Variants in UBE2E2 observed in about 807,000 individuals in gnomAD.
UBE2E2 encodes ubiquitin conjugating enzyme E2 E2.
Under a neutral mutation model 24.7 loss-of-function variants are expected in UBE2E2, and 6 were observed. The observed-to-expected ratio is 0.24, with a 90% CI of 0.13 to 0.48. The LOEUF (loss-of-function observed/expected upper bound fraction) is 0.48, where lower values mean the gene tolerates loss of function less well. UBE2E2 is among the 20% of genes least tolerant of loss of function. The pLI, the probability that UBE2E2 is intolerant of heterozygous loss-of-function variation, is 0.99. For synonymous variants in UBE2E2, 104 were observed against 83.6 expected, an observed-to-expected ratio of 1.24 and a Z score of -1.33; for missense variants, 169 against 245.0, an observed-to-expected ratio of 0.69 and a Z score of 2.07.
At chr3:23,499,530 G>A in intron 3 of UBE2E2, 78 bp from the exon 4 acceptor site, 2 of 1,523,460 alleles carry the variant, frequency 1.3e-6, no homozygotes, top group Non-Finnish European at 1.8e-6. Context: ...TGCTCAATTG[G>A]TTATCATAAA....
chr3:23,429,887 A>G (rs183436332), intron 3 of UBE2E2, among the ~76,000 whole-genome samples: 94 of 152,262 alleles, frequency 6.2e-4, no homozygotes, highest in African/African-American at 2.1e-3. Flanking sequence ...AAAAAGCAGA[A>G]TTTATTTATT....
intron 3 of UBE2E2, among the ~76,000 whole-genome samples, chr3:23,252,712 G>A (rs1439618516): frequency 2.0e-5 from 3 of 152,120 alleles, no homozygotes; most frequent in African/African-American, 7.2e-5. Context: ...GCTCAGTCTG[G>A]TCTTGAACTC....
chr3:23,328,726 A>T (rs963579625), intron 3 of UBE2E2, among the ~76,000 whole-genome samples: 3 of 149,216 alleles, frequency 2.0e-5, no homozygotes, highest in African/African-American at 7.5e-5. Context: ...CAGTGGCGCG[A>T]TCTTGACTCA....
chr3:23,447,764 A>T (rs999107108), intron 3 of UBE2E2, among the ~76,000 whole-genome samples: 4 of 152,180 alleles, frequency 2.6e-5, no homozygotes, highest in Non-Finnish European at 4.4e-5. Context: ...TTTTTGTGTG[A>T]TAAGAAATCA....
At chr3:23,503,939 A>T (rs1352709600) in intron 4 of UBE2E2, among the ~76,000 whole-genome samples, 1 of 152,218 alleles carries the variant, frequency 6.6e-6, no homozygotes, top group African/African-American at 2.4e-5. Context: ...TAAGTATTTT[A>T]ATGTTATTCA....
chr3:23,499,674 C>G lies in UBE2E2; in HGVS notation c.294C>G (p.Val98=), dbSNP rs368043190. The change falls in exon 4 of 6, where the codon GTC becomes GTG. Residue 98 remains valine (V), a synonymous_variant. Coordinates refer to ENST00000396703, the MANE Select transcript of UBE2E2 (RefSeq NM_152653.4). The part of the protein sequence containing the change: ...RSTILGPPGS[V]YEGGVFFLDI... ...CTATATTGGGACCCCCAGGATCTGTCTATGAAGGAGGGGTGTTCTTTCTTG... is the reference window on the plus strand; with the variant it reads ...CTATATTGGGACCCCCAGGATCTGTGTATGAAGGAGGGGTGTTCTTTCTTG... 1 of 1,613,950 alleles carries G rather than the reference C, an allele frequency of 6.2e-7. No homozygotes were observed. Among genetic ancestry groups the G allele is most frequent in the East Asian group, 2.2e-5 (1 of 44,862 alleles).
intron 3 of UBE2E2, among the ~76,000 whole-genome samples, chr3:23,463,039 G>C (rs1698841067): frequency 6.6e-6 from 1 of 152,164 alleles, no homozygotes; most frequent in Non-Finnish European, 1.5e-5. Flanking sequence ...TTACAAATTA[G>C]ATGGTTAAGG....
At chr3:23,389,985 C>A (rs146132619) in intron 3 of UBE2E2, 2 of 152,222 alleles carry the variant, frequency 1.3e-5, no homozygotes, top group African/African-American at 4.8e-5. Flanking sequence ...ACCAGGCAAC[C>A]CCAGTTCCTC....
chr3:23,273,530 C>CAAA (rs11328464), intron 3 of UBE2E2, among the ~76,000 whole-genome samples: 3 of 140,914 alleles, frequency 2.1e-5, no homozygotes, highest in African/African-American at 5.3e-5. Context: ...GACTCCGTCT[C>CAAA]AAAAAAAAAA....
rs576895909 is a variant in UBE2E2, at chr3:23,287,521, T to C, written c.227+70209T>C. On this transcript the variant is annotated intron_variant, in intron 3 of 5. Coordinates refer to ENST00000396703, the MANE Select transcript of UBE2E2 (RefSeq NM_152653.4). The stretch of plus-strand genomic sequence containing the variant: ...TGATAGTAATTCTTTAAATGTTTGA[T>C]AAAATTCGGCCTTGAAGCCATCAGG... Among the ~76,000 whole-genome samples, 5 of 152,348 alleles carry C rather than the reference T, an allele frequency of 3.3e-5. No individual in the cohort carries two copies. In the South Asian group the frequency reaches 1.0e-3, roughly 32 times the overall value.
intron 3 of UBE2E2, among the ~76,000 whole-genome samples, chr3:23,288,218 A>T (rs1332994921): frequency 6.6e-6 from 1 of 152,170 alleles, no homozygotes; most frequent in Non-Finnish European, 1.5e-5. Context: ...ACGTTTGTAT[A>T]GTTTTGAAAA....
chr3:23,466,863 G>A (rs866030614), intron 3 of UBE2E2, among the ~76,000 whole-genome samples: 8 of 151,644 alleles, frequency 5.3e-5, no homozygotes, highest in Middle Eastern at 3.5e-3. Context: ...CACCGCACTC[G>A]GCAGTCCCAG....
chr3:23,515,914 A>G (rs1304764174), intron 4 of UBE2E2, among the ~76,000 whole-genome samples: 1 of 152,196 alleles, frequency 6.6e-6, no homozygotes, highest in Non-Finnish European at 1.5e-5. Context: ...GATAGCAGTG[A>G]GCTATAATGA....
At chr3:23,279,725 G>A (rs547028933) in intron 3 of UBE2E2, among the ~76,000 whole-genome samples, 1 of 152,324 alleles carries the variant, frequency 6.6e-6, no homozygotes, top group South Asian at 2.1e-4. Context: ...AGGTGGGGGT[G>A]TTCTTGTTAG....
chr3:23,538,570 GAC>G (rs1426807790), intron 5 of UBE2E2, among the ~76,000 whole-genome samples: 1 of 152,084 alleles, frequency 6.6e-6, no homozygotes, highest in African/African-American at 2.4e-5. Context: ...AGAATCCTGG[GAC>G]ACCGTCCCCT....
chr3:23,565,700 A>G (rs903197031), intron 5 of UBE2E2, among the ~76,000 whole-genome samples: 1 of 152,154 alleles, frequency 6.6e-6, no homozygotes, highest in East Asian at 1.9e-4. Context: ...AATTCTGATT[A>G]GGAAAATCCC....
At chr3:23,217,901 A>G (rs189806111) in intron 3 of UBE2E2, among the ~76,000 whole-genome samples, 1 of 152,248 alleles carries the variant, frequency 6.6e-6, no homozygotes, top group East Asian at 1.9e-4. Context: ...GAAATGGTTA[A>G]TGTTATAAAG....
intron 3 of UBE2E2, among the ~76,000 whole-genome samples, chr3:23,438,883 T>A (rs920617979): frequency 1.3e-5 from 2 of 152,160 alleles, no homozygotes; most frequent in African/African-American, 4.8e-5. Flanking sequence ...CACTACAAAT[T>A]TTCTGATAAC....
chr3:23,459,150 T>C (rs1286135376), intron 3 of UBE2E2, among the ~76,000 whole-genome samples: 1 of 152,246 alleles, frequency 6.6e-6, no homozygotes. Context: ...ACCTCTGTTA[T>C]GTTTTCAAAG....
Sources: gnomAD v4.1 joint callset for allele counts (sites outside exome capture counted in the v4.1 genomes callset) on GRCh38, gnomAD v4.1.1 for gene constraint, MANE v1.5 for transcripts, NCBI Gene and HGNC (gene_info 2026-07-23, HGNC 2026-07-21) for gene names.